The following MAGI1 variants were observed in gnomAD, a reference collection of about 807,000 sequenced individuals.
MAGI1 encodes the protein membrane-associated guanylate kinase, WW and PDZ domain-containing protein 1.
In MAGI1, 58 loss-of-function variants were observed where a neutral mutation model predicts 139.9. The ratio of observed to expected loss-of-function variants is 0.41; its 90% confidence interval spans 0.34 to 0.52. The LOEUF (loss-of-function observed/expected upper bound fraction) is 0.52, where lower values mean the gene tolerates loss of function less well. Among genes scored for constraint, MAGI1 ranks in the 20% least tolerant of loss-of-function variants. The pLI, the probability that MAGI1 is intolerant of heterozygous loss-of-function variation, is 0.12. For synonymous variants in MAGI1, 812 were observed against 737.9 expected, an observed-to-expected ratio of 1.10 and a Z score of -1.63; for missense variants, 1,874 against 1,901.6, an observed-to-expected ratio of 0.99 and a Z score of 0.27.
rs547100290 is a variant in MAGI1 at position 65,542,642 on chromosome 3, C to A, written c.431-49011G>T. The stretch of plus-strand genomic sequence containing the variant: ...ACCTTCGACAAACCTGACAAAAACA[C>A]ACAATGGGGAAAGGACTCCCTATTT... On this transcript the variant is annotated intron_variant, in intron 2 of 22. Transcript: ENST00000402939. 4.0e-4 allele frequency among the ~76,000 whole-genome samples: 61 copies of A among 152,132 alleles called. No homozygotes were observed. In the East Asian group the frequency reaches 8.7e-3, roughly 22 times the overall value.
rs777307822 is a variant in MAGI1 at position 65,429,607 on chromosome 3, C to A, written c.2080G>T (p.Val694Leu). 1.2e-6 allele frequency: 2 copies of A among 1,613,980 alleles called. No homozygotes were observed. Among genetic ancestry groups the A allele is most frequent in the South Asian group, 1.1e-5 (1 of 91,078 alleles). Residue 694 changes from valine to leucine, a missense_variant, in exon 12 of 23, where the codon GTG becomes TTG. This residue lies in a region of MAGI1 where 482 missense variants were observed against 509.6 expected (regional missense o/e 0.95). Coordinates refer to ENST00000402939, the MANE Select transcript of MAGI1 (RefSeq NM_001033057.2). Reference sequence around the variant, plus strand: ...ACTTGGTTGTGAGTTAGGGCCTGCACGTTCTTCTTATTAACTTCCACTATG... The same window carrying A: ...ACTTGGTTGTGAGTTAGGGCCTGCAAGTTCTTCTTATTAACTTCCACTATG... Reference protein sequence around the residue: ...DLIVEVNKKNVQALTHNQVVD... With the variant: ...DLIVEVNKKNLQALTHNQVVD...
At chr3:65,934,734 G>C (rs1346693505) in intron 1 of MAGI1, among the ~76,000 whole-genome samples, 1 of 151,288 alleles carries the variant, frequency 6.6e-6, no homozygotes, top group Non-Finnish European at 1.5e-5. Context: ...CCATTTAATG[G>C]TGCCAGATTG....
chr3:65,585,406 G>A (rs1239326863), intron 2 of MAGI1, among the ~76,000 whole-genome samples: 1 of 152,160 alleles, frequency 6.6e-6, no homozygotes, highest in Non-Finnish European at 1.5e-5. Flanking sequence ...CAAATAAGCA[G>A]ATGAAAACAT....
intron 2 of MAGI1, among the ~76,000 whole-genome samples, chr3:65,503,803 C>T (rs909136039): frequency 1.3e-5 from 2 of 152,164 alleles, no homozygotes; most frequent in African/African-American, 4.8e-5. Context: ...CATGATCCTA[C>T]TTCTAGCTCT....
At chr3:65,554,963 G>A (rs765268851) in intron 2 of MAGI1, among the ~76,000 whole-genome samples, 2 of 152,154 alleles carry the variant, frequency 1.3e-5, no homozygotes, top group African/African-American at 2.4e-5. Context: ...CATGGTTTAG[G>A]TAATAGTACT....
At chr3:65,651,112 T>C (rs932575185) in intron 1 of MAGI1, among the ~76,000 whole-genome samples, 2 of 152,150 alleles carry the variant, frequency 1.3e-5, no homozygotes, top group African/African-American at 4.8e-5. Context: ...TATGATAACT[T>C]TTTTAAGGCC....
Position 65,733,120 on chromosome 3 carries a change from G to A in MAGI1, c.314-111032C>T, listed in dbSNP as rs144200129. On this transcript the variant is annotated intron_variant, in intron 1 of 22. Transcript: ENST00000402939. ...GCTGGAGTGCAATGAGTGCAATGGC[G>A]CGATCTTGGCTCACTGCAACCTCCG... 5.3e-5 allele frequency among the ~76,000 whole-genome samples: 8 copies of A among 151,682 alleles called. No homozygotes were observed. In the East Asian group the frequency reaches 5.8e-4, roughly 11 times the overall value.
intron 1 of MAGI1, among the ~76,000 whole-genome samples, chr3:65,747,549 A>T (rs2035805793): frequency 6.6e-6 from 1 of 152,182 alleles, no homozygotes; most frequent in Non-Finnish European, 1.5e-5. Flanking sequence ...GTAATTTCTC[A>T]ATTTCCATTT....
chr3:65,998,656 T>G lies in MAGI1; in HGVS notation c.313+39340A>C, dbSNP rs767144558. Among the ~76,000 whole-genome samples, 7 of 152,220 alleles carry G rather than the reference T, an allele frequency of 4.6e-5. No homozygotes were observed. The East Asian group carries it at 9.6e-4, about 21-fold the overall frequency. On this transcript the variant is annotated intron_variant, in intron 1 of 22. Transcript: ENST00000402939. ...AGATAATGATCACTTATCCCATTTGTAGATTATACTCTGAAACCATTTGAT... is the reference window on the plus strand; with the variant it reads ...AGATAATGATCACTTATCCCATTTGGAGATTATACTCTGAAACCATTTGAT...
chr3:66,015,135 G>C (rs897445378), intron 1 of MAGI1, among the ~76,000 whole-genome samples: 6 of 144,410 alleles, frequency 4.2e-5, no homozygotes, highest in African/African-American at 1.6e-4. Context: ...TTGAGCCCAG[G>C]AGTTCAAGAC....
At chr3:66,018,017 T>C in intron 1 of MAGI1, among the ~76,000 whole-genome samples, 1 of 150,990 alleles carries the variant, frequency 6.6e-6, no homozygotes, top group African/African-American at 2.4e-5. Context: ...TTATTTTTCC[T>C]CCTTTGATCT....
intron 2 of MAGI1, among the ~76,000 whole-genome samples, chr3:65,516,755 T>C (rs1202378237): frequency 9.1e-6 from 1 of 109,382 alleles, no homozygotes; most frequent in African/African-American, 3.4e-5. Context: ...TGAGACGGAG[T>C]CTCGCTCTGT....
At chr3:66,015,333 A>G (rs2067573309) in intron 1 of MAGI1, among the ~76,000 whole-genome samples, 1 of 152,214 alleles carries the variant, frequency 6.6e-6, no homozygotes, top group Non-Finnish European at 1.5e-5. Flanking sequence ...TGCTGAGCCC[A>G]GTAAAGCACC....
At chr3:65,645,401 C>T (rs975591987) in intron 1 of MAGI1, among the ~76,000 whole-genome samples, 2 of 152,026 alleles carry the variant, frequency 1.3e-5, no homozygotes, top group Admixed American at 6.6e-5. Flanking sequence ...TTTTTCAAGT[C>T]CTAGAAGAAA....
intron 1 of MAGI1, among the ~76,000 whole-genome samples, chr3:65,943,507 G>A (rs948922998): frequency 1.3e-5 from 2 of 151,888 alleles, no homozygotes; most frequent in African/African-American, 2.4e-5. Flanking sequence ...CCCGGGAGGC[G>A]GAGCTTGCAG....
intron 1 of MAGI1, among the ~76,000 whole-genome samples, chr3:65,959,798 C>CTTTTTTTTTTT (rs33978400): frequency 5.0e-5 from 3 of 60,266 alleles, no homozygotes; most frequent in African/African-American, 6.4e-5. Context: ...TAAATTCTCT[C>CTTTTTTTTTTT]TTTTTTTTTT....
chr3:65,749,863 A>C (rs2036002340), intron 1 of MAGI1, among the ~76,000 whole-genome samples: 1 of 152,156 alleles, frequency 6.6e-6, no homozygotes. Flanking sequence ...CTTATTTTTA[A>C]AAAGAGGTTT....
At chr3:65,734,536 GGAGA>G (rs1196743205) in intron 1 of MAGI1, among the ~76,000 whole-genome samples, 3 of 99,944 alleles carry the variant, frequency 3.0e-5, no homozygotes, top group African/African-American at 5.1e-5. Flanking sequence ...AGAGAGAGGG[GGAGA>G]GAGAGAAAGA....
chr3:65,355,641 CCTGA>C lies in MAGI1; in HGVS notation c.*733_*736del, dbSNP rs1328730649. Reference sequence around the variant, plus strand: ...ATCAGATGTTGGTGATGATCACGAACCTGACTGTCTGTGCTTGGGCTGTATTTGA... The same window carrying C: ...ATCAGATGTTGGTGATGATCACGAACCTGTCTGTGCTTGGGCTGTATTTGA... On this transcript the variant is annotated 3_prime_UTR_variant, in exon 23 of 23. Transcript: ENST00000402939. 6.6e-6 allele frequency: 1 copy of C among 152,660 alleles called. No individual in the cohort carries two copies. The highest frequency in any genetic ancestry group is 2.4e-5 in the African/African-American group (1 of 41,438). 9.5% of individuals were successfully genotyped at this position (152,660 alleles called of 1,614,324 possible).
Sources: allele counts gnomAD v4.1 joint callset (sites outside exome capture counted in the v4.1 genomes callset), GRCh38; gene constraint gnomAD v4.1.1; regional missense constraint gnomAD v4.1.1; transcripts MANE v1.5; gene names NCBI Gene and HGNC (gene_info 2026-07-23, HGNC 2026-07-21).